DRD3: variants seen among roughly 807,000 people sequenced by gnomAD.
DRD3 encodes dopamine receptor D3, also known as D(3) dopamine receptor.
Under a neutral mutation model 36.3 loss-of-function variants are expected in DRD3, and 19 were observed. The ratio of observed to expected loss-of-function variants is 0.52; its 90% CI spans 0.36 to 0.77. The LOEUF is 0.77. DRD3 is among the 30% of genes least tolerant of loss of function. DRD3 has a pLI of 0.00. For synonymous variants in DRD3, 195 were observed against 203.7 expected, an observed-to-expected ratio of 0.96 and a Z score of 0.36; for missense variants, 465 against 505.3, an observed-to-expected ratio of 0.92 and a Z score of 0.77.
intron 1 of DRD3, chr3:114,176,134 G>A (rs1257008845): frequency 1.3e-5 from 2 of 152,138 alleles, no homozygotes; most frequent in African/African-American, 2.4e-5. Context: ...TGAAACATTC[G>A]TGGGGTTCCT....
chr3:114,196,964 ATTTTTATT>A (rs1368308864), intron 1 of DRD3, among the ~76,000 whole-genome samples: 5 of 146,886 alleles, frequency 3.4e-5, no homozygotes, highest in East Asian at 2.0e-4. Context: ...TTTTAAATTT[ATTTTTATT>A]TTTTTCTTTT....
intron 1 of DRD3, among the ~76,000 whole-genome samples, chr3:114,185,703 G>C (rs1453098594): frequency 1.3e-5 from 2 of 151,796 alleles, no homozygotes; most frequent in Non-Finnish European, 2.9e-5. Flanking sequence ...TAAGAGATGG[G>C]CTTGGTCTGT....
chr3:114,150,154 C>T (rs1390717708), intron 3 of DRD3, among the ~76,000 whole-genome samples: 1 of 63,530 alleles, frequency 1.6e-5, no homozygotes, highest in Non-Finnish European at 3.0e-5. Context: ...ATCTGACCTC[C>T]CACTGATCCT....
rs568055307 is a variant in DRD3 at position 114,146,817 on chromosome 3, C to T, written c.526+598G>A. 6.6e-5 allele frequency among the ~76,000 whole-genome samples: 10 copies of T among 152,152 alleles called. No individual in the cohort carries two copies. In the South Asian group the frequency reaches 1.7e-3, roughly 25 times the overall value. ...GGTATTGGTGTCATGCTTAAAATCC[C>T]GAGCATTTCAGACATATATATTGTC... On this transcript the variant is annotated intron_variant, in intron 4 of 6. Transcript: ENST00000383673.
chr3:114,158,458 C>T (rs1395571585), intron 3 of DRD3, among the ~76,000 whole-genome samples: 6 of 152,104 alleles, frequency 3.9e-5, no homozygotes, highest in African/African-American at 1.4e-4. Flanking sequence ...ATTTAGTACA[C>T]ATTTTCAGGA....
At position 114,128,824 on chromosome 3, in the gene DRD3, G is replaced by A. The variant is rs150874216; in HGVS notation, c.1095C>T (p.Tyr365=). 7 of 1,613,968 alleles carry A rather than the reference G, an allele frequency of 4.3e-6. No homozygotes were observed. The highest frequency in any genetic ancestry group is 4.2e-6 in the Non-Finnish European group (5 of 1,180,004). ...CQTCHVSPEL[Y]SATTWLGYVN... ...CGTAGCCCAGCCATGTCGTGGCACTGTAAAGCTCTGGGGACACGTGGCATG... is the reference window on the plus strand; with the variant it reads ...CGTAGCCCAGCCATGTCGTGGCACTATAAAGCTCTGGGGACACGTGGCATG... The change falls in exon 7 of 7, where the codon TAC becomes TAT. Residue 365 remains tyrosine (Y), a synonymous_variant. Coordinates refer to ENST00000383673, the MANE Select transcript of DRD3 (RefSeq NM_000796.6).
chr3:114,165,990 T>A (rs1174417075), intron 2 of DRD3, among the ~76,000 whole-genome samples: 8 of 145,066 alleles, frequency 5.5e-5, no homozygotes, highest in Non-Finnish European at 7.6e-5. Flanking sequence ...AGTTTGTATT[T>A]TTTTTTTTTT....
intron 1 of DRD3, among the ~76,000 whole-genome samples, chr3:114,185,939 G>A (rs935858375): frequency 1.3e-5 from 2 of 152,142 alleles, no homozygotes; most frequent in Non-Finnish European, 1.5e-5. Flanking sequence ...AGTTAATAAT[G>A]TGGTAACTCT....
At chr3:114,159,714 C>T in intron 3 of DRD3, 41 bp downstream of exon 3, 1 of 1,580,692 alleles carries the variant, frequency 6.3e-7, no homozygotes, top group South Asian at 1.1e-5. Context: ...TCCCCACTTC[C>T]CCAGCTTTTG....
intron 1 of DRD3, among the ~76,000 whole-genome samples, chr3:114,189,810 T>C (rs534978442): frequency 6.6e-6 from 1 of 152,202 alleles, no homozygotes; most frequent in Non-Finnish European, 1.5e-5. Context: ...ACTGTGGCAA[T>C]TGAATGACTC....
At chr3:114,156,837 TTTCTTTC>T (rs2077682996) in intron 3 of DRD3, among the ~76,000 whole-genome samples, 1 of 4,296 alleles carries the variant, frequency 2.3e-4, no homozygotes, top group African/African-American at 4.2e-4. Context: ...CTTTCTTTCC[TTTCTTTC>T]TTTTCTTTCT....
intron 2 of DRD3, among the ~76,000 whole-genome samples, chr3:114,168,108 T>A (rs2077803517): frequency 6.6e-6 from 1 of 152,222 alleles, no homozygotes; most frequent in Non-Finnish European, 1.5e-5. Flanking sequence ...TTAAGCCAAT[T>A]GGAGTTAAGC....
intron 2 of DRD3, among the ~76,000 whole-genome samples, chr3:114,161,643 A>C (rs1192432119): frequency 6.6e-6 from 1 of 152,206 alleles, no homozygotes; most frequent in Non-Finnish European, 1.5e-5. Flanking sequence ...AGTTTGACCA[A>C]TTGGCTCTAT....
At chr3:114,197,277 A>ATTTTTTTTTT (rs58452737) in intron 1 of DRD3, among the ~76,000 whole-genome samples, 4 of 89,368 alleles carry the variant, frequency 4.5e-5, no homozygotes, top group East Asian at 3.1e-4. Context: ...AATTAAAAAA[A>ATTTTTTTTTT]TTTTTTTTTT....
intron 1 of DRD3, among the ~76,000 whole-genome samples, chr3:114,187,179 C>G (rs1057488498): frequency 1.3e-5 from 2 of 152,164 alleles, no homozygotes; most frequent in Non-Finnish European, 2.9e-5. Flanking sequence ...TCTTTCTTTT[C>G]TTTTTTTGCA....
At chr3:114,134,160 T>C (rs2077455820) in intron 5 of DRD3, among the ~76,000 whole-genome samples, 1 of 152,206 alleles carries the variant, frequency 6.6e-6, no homozygotes, top group Non-Finnish European at 1.5e-5. Context: ...GTTTCCTTAG[T>C]TCAAGGAAGC....
intron 3 of DRD3, among the ~76,000 whole-genome samples, chr3:114,147,775 A>G (rs969327320): frequency 1.3e-5 from 2 of 151,994 alleles, no homozygotes; most frequent in Non-Finnish European, 2.9e-5. Context: ...TGCCGCCACC[A>G]CGCCTGCCTA....
At chr3:114,144,482 G>A (rs1482628647) in intron 4 of DRD3, among the ~76,000 whole-genome samples, 1 of 152,072 alleles carries the variant, frequency 6.6e-6, no homozygotes, top group African/African-American at 2.4e-5. Flanking sequence ...ATTGCTGCAG[G>A]AACCCACATC....
At chr3:114,135,772 C>T (rs191810231) in intron 5 of DRD3, among the ~76,000 whole-genome samples, 1 of 152,180 alleles carries the variant, frequency 6.6e-6, no homozygotes, top group Non-Finnish European at 1.5e-5. Flanking sequence ...TCACTGCAAC[C>T]TTTGCTTCCT....
Sources: allele counts gnomAD v4.1 joint callset (sites outside exome capture counted in the v4.1 genomes callset), GRCh38; gene constraint gnomAD v4.1.1; transcripts MANE v1.5; gene names NCBI Gene and HGNC (gene_info 2026-07-23, HGNC 2026-07-21).